The following RANBP2 variants were observed in gnomAD, a reference collection of about 807,000 sequenced individuals.
The protein encoded by RANBP2 is RAN binding protein 2, also known as E3 SUMO-protein ligase RanBP2.
In RANBP2, 57 loss-of-function variants were observed where a neutral mutation model predicts 303.6. The observed-to-expected ratio is 0.19, with a 90% CI of 0.15 to 0.23. The LOEUF is 0.23. Among genes scored for constraint, RANBP2 ranks in the 10% least tolerant of loss-of-function variants. The pLI, the probability that RANBP2 is intolerant of heterozygous loss-of-function variation, is 1.00. For missense variants in RANBP2, 3,138 were observed against 3,780.8 expected, an observed-to-expected ratio of 0.83 and a Z score of 4.46; for synonymous variants, 1,167 against 1,301.5, an observed-to-expected ratio of 0.90 and a Z score of 2.23.
the RANBP2 span, among the ~76,000 whole-genome samples, chr2:109,693,259 C>T: frequency 6.6e-6 from 1 of 152,150 alleles, no homozygotes; most frequent in Non-Finnish European, 1.5e-5. Flanking sequence ...TTCACTGCAA[C>T]CTCCTGGGTT....
chr2:109,601,922 G>A, the RANBP2 span, among the ~76,000 whole-genome samples: 2 of 152,278 alleles, frequency 1.3e-5, no homozygotes, highest in South Asian at 2.1e-4. Context: ...TTAAGGGACA[G>A]CAAAGTATAT....
At chr2:109,506,949 C>T in the RANBP2 span, among the ~76,000 whole-genome samples, 2 of 152,198 alleles carry the variant, frequency 1.3e-5, no homozygotes, top group African/African-American at 2.4e-5. Flanking sequence ...AGCCACCCCA[C>T]ACAGAGCAGT....
At chr2:108,905,450 T>C in the RANBP2 span, among the ~76,000 whole-genome samples, 1 of 150,554 alleles carries the variant, frequency 6.6e-6, no homozygotes, top group South Asian at 2.1e-4. Context: ...TCACCCACAG[T>C]ATAGTTATTT....
chr2:109,179,760 A>G, the RANBP2 span, among the ~76,000 whole-genome samples: 3 of 152,152 alleles, frequency 2.0e-5, no homozygotes, highest in African/African-American at 7.2e-5. Context: ...CTGCCTCAAG[A>G]TGCCATCAAC....
the RANBP2 span, among the ~76,000 whole-genome samples, chr2:109,497,228 AT>A: frequency 2.0e-5 from 3 of 152,242 alleles, no homozygotes; most frequent in Admixed American, 2.0e-4. Context: ...AAGTATTCTT[AT>A]CCCCAAGTTC....
chr2:109,616,716 A>C, the RANBP2 span: 1 of 167,126 alleles, frequency 6.0e-6, no homozygotes, highest in African/African-American at 2.4e-5. Context: ...TCACTGAACA[A>C]AAGAAACAGG....
chr2:109,155,536 C>T, the RANBP2 span, among the ~76,000 whole-genome samples: 4 of 152,098 alleles, frequency 2.6e-5, no homozygotes, highest in African/African-American at 4.8e-5. Context: ...CTCCTGACCT[C>T]GTGATCCGCC....
the RANBP2 span, chr2:109,129,129 C>G: frequency 1.9e-5 from 7 of 362,532 alleles, no homozygotes; most frequent in Non-Finnish European, 3.7e-5. Context: ...CGCGCCCCGG[C>G]CTCCCCGGGG....
chr2:109,273,219 C>T, the RANBP2 span, among the ~76,000 whole-genome samples: 7 of 152,324 alleles, frequency 4.6e-5, no homozygotes, highest in East Asian at 1.3e-3. Flanking sequence ...AATAATTGCA[C>T]AGTCGTCTGT....
chr2:109,017,189 C>T, the RANBP2 span, among the ~76,000 whole-genome samples: 4 of 152,230 alleles, frequency 2.6e-5, no homozygotes, highest in South Asian at 2.1e-4. Context: ...CCATTCTCTG[C>T]GTGCCAAAGG....
chr2:109,510,828 T>G, the RANBP2 span, among the ~76,000 whole-genome samples: 4 of 152,212 alleles, frequency 2.6e-5, no homozygotes, highest in African/African-American at 9.7e-5. Flanking sequence ...GAGGCTTTCC[T>G]GCAGGGGAAG....
At chr2:109,671,526 G>A in the RANBP2 span, among the ~76,000 whole-genome samples, 10 of 152,160 alleles carry the variant, frequency 6.6e-5, no homozygotes, top group Non-Finnish European at 1.3e-4. Flanking sequence ...TGCAGCCAGG[G>A]CAAGGAGGAG....
At chr2:109,572,609 CTTTTTTTTTT>C in the RANBP2 span, among the ~76,000 whole-genome samples, 1 of 111,222 alleles carries the variant, frequency 9.0e-6, no homozygotes, top group Non-Finnish European at 1.7e-5. Context: ...TTTAAAACAA[CTTTTTTTTTT>C]TTTTTTTTTT....
chr2:108,997,815 C>CG, the RANBP2 span, among the ~76,000 whole-genome samples: 2 of 152,044 alleles, frequency 1.3e-5, no homozygotes, highest in African/African-American at 4.8e-5. Context: ...CACTTGAACT[C>CG]GGAGGGCGGA....
At chr2:108,891,171 A>G in the RANBP2 span, among the ~76,000 whole-genome samples, 1 of 152,270 alleles carries the variant, frequency 6.6e-6, no homozygotes, top group African/African-American at 2.4e-5. Flanking sequence ...TCAGAAATTT[A>G]TTTTTGATTA....
chr2:108,912,259 T>C, the RANBP2 span, among the ~76,000 whole-genome samples: 1 of 152,188 alleles, frequency 6.6e-6, no homozygotes, highest in African/African-American at 2.4e-5. Context: ...CTTCCCTGGT[T>C]AGGGAGAATG....
intron 4 of RANBP2, among the ~76,000 whole-genome samples, chr2:108,732,761 C>T (rs1260907225): frequency 6.6e-6 from 1 of 152,166 alleles, no homozygotes; most frequent in Non-Finnish European, 1.5e-5. Context: ...TGTTCTCCAT[C>T]TTTATACTTT....
the RANBP2 span, among the ~76,000 whole-genome samples, chr2:109,013,666 G>C: frequency 6.7e-6 from 1 of 149,894 alleles, no homozygotes. Context: ...TGGAACCTCT[G>C]CCTCCTGGGC....
At chr2:108,867,042 TTATAAAA>T in the RANBP2 span, among the ~76,000 whole-genome samples, 19 of 152,280 alleles carry the variant, frequency 1.2e-4, no homozygotes, top group Non-Finnish European at 4.4e-5. Context: ...TAAAGGGGAA[TTATAAAA>T]TATTTATTAT....
Sources: allele counts gnomAD v4.1 joint callset (sites outside exome capture counted in the v4.1 genomes callset), GRCh38; gene constraint gnomAD v4.1.1; transcripts MANE v1.5; gene names NCBI Gene and HGNC (gene_info 2026-07-23, HGNC 2026-07-21).